Variants in PCCA observed in about 807,000 individuals in gnomAD.
PCCA encodes propionyl-CoA carboxylase subunit alpha, also known as propionyl-CoA carboxylase alpha chain, mitochondrial.
A neutral mutation model predicts 101.3 loss-of-function variants in PCCA; 74 were observed. The ratio of observed to expected loss-of-function variants is 0.73; its 90% CI spans 0.61 to 0.89. The LOEUF (loss-of-function observed/expected upper bound fraction) is 0.89. PCCA is among the 40% of genes least tolerant of loss of function. The probability of loss-of-function intolerance (pLI) is 0.00; values close to 1 mark genes in which losing one functional copy is unlikely to be tolerated. For synonymous variants in PCCA, 294 were observed against 313.6 expected, an observed-to-expected ratio of 0.94 and a Z score of 0.66; for missense variants, 891 against 907.0, an observed-to-expected ratio of 0.98 and a Z score of 0.23.
Position 100,089,094 on chromosome 13 carries a change from G to T in PCCA, c.-27G>T. ...CCCCCTCCGGCTGTGTGAGAGGTCAGCAGAGGGGCGGTCTGCGGGGACAAC... is the reference window on the plus strand; with the variant it reads ...CCCCCTCCGGCTGTGTGAGAGGTCATCAGAGGGGCGGTCTGCGGGGACAAC... On this transcript the variant is annotated 5_prime_UTR_variant, in exon 1 of 24. Transcript: ENST00000376285. The T allele has an allele frequency of 6.9e-7, 1 of 1,458,330 alleles. No homozygotes were observed. The highest frequency in any genetic ancestry group is 1.4e-5 in the South Asian group (1 of 70,828). The allele number at this position is 1,458,330 out of a possible 1,614,324, so 90.3% of individuals were successfully genotyped here.
chr13:100,193,088 T>C (rs987610420), intron 6 of PCCA, among the ~76,000 whole-genome samples: 2 of 152,194 alleles, frequency 1.3e-5, no homozygotes, highest in African/African-American at 4.8e-5. Context: ...GATGGCTGGT[T>C]ACTCTCCAGT....
At chr13:100,356,297 G>A (rs1039089800) in intron 18 of PCCA, among the ~76,000 whole-genome samples, 6 of 151,740 alleles carry the variant, frequency 4.0e-5, no homozygotes, top group African/African-American at 1.5e-4. Context: ...GTGCTTTAAA[G>A]GACATGATGA....
chr13:100,432,174 C>T (rs796717192), intron 20 of PCCA, among the ~76,000 whole-genome samples: 2 of 135,242 alleles, frequency 1.5e-5, no homozygotes, highest in East Asian at 3.1e-4. Context: ...AATAAATAAA[C>T]AAACAAACAG....
chr13:100,138,934 CAAAA>C (rs34466523), intron 4 of PCCA, among the ~76,000 whole-genome samples: 3 of 83,110 alleles, frequency 3.6e-5, no homozygotes, highest in African/African-American at 4.7e-5. Flanking sequence ...AACTCCATCT[CAAAA>C]AAAAAAAAAA....
chr13:100,280,129 G>A (rs1054345947), intron 12 of PCCA, among the ~76,000 whole-genome samples: 16 of 151,586 alleles, frequency 1.1e-4, no homozygotes, highest in South Asian at 4.2e-4. Context: ...GAAAGTCACC[G>A]CGTTTGGTGC....
At chr13:100,157,378 T>G in intron 6 of PCCA, 38 bp downstream of exon 6, 1 of 1,444,478 alleles carries the variant, frequency 6.9e-7, no homozygotes, top group Non-Finnish European at 9.7e-7. Context: ...TCATTTCTTT[T>G]TCAGAAAGCA....
chr13:100,258,275 T>G (rs2062212461), intron 9 of PCCA, among the ~76,000 whole-genome samples: 1 of 152,210 alleles, frequency 6.6e-6, no homozygotes, highest in Non-Finnish European at 1.5e-5. Flanking sequence ...ACACAGCTTC[T>G]GCTCAAATTC....
chr13:100,419,654 T>C (rs1170274255), intron 19 of PCCA, among the ~76,000 whole-genome samples: 1 of 152,172 alleles, frequency 6.6e-6, no homozygotes, highest in East Asian at 1.9e-4. Flanking sequence ...TATGGAGTCG[T>C]GCATGTGTTT....
chr13:100,443,958 CT>C (rs1358866255), intron 20 of PCCA, among the ~76,000 whole-genome samples: 1 of 152,104 alleles, frequency 6.6e-6, no homozygotes, highest in Non-Finnish European at 1.5e-5. Flanking sequence ...AGACCACCGT[CT>C]TTCTAAAACA....
intron 6 of PCCA, among the ~76,000 whole-genome samples, chr13:100,190,830 G>A (rs774183598): frequency 2.0e-5 from 3 of 152,134 alleles, no homozygotes; most frequent in Non-Finnish European, 4.4e-5. Flanking sequence ...GGTCGTGGTG[G>A]TTCACACCTG....
intron 16 of PCCA, among the ~76,000 whole-genome samples, chr13:100,316,732 C>T (rs1207713228): frequency 1.3e-5 from 2 of 151,928 alleles, no homozygotes; most frequent in Non-Finnish European, 1.5e-5. Flanking sequence ...AACATGAAAG[C>T]CAGTAAAGTT....
intron 21 of PCCA, chr13:100,491,680 G>C: frequency 7.7e-7 from 1 of 1,304,222 alleles, no homozygotes; most frequent in Non-Finnish European, 1.0e-6. Context: ...TTGACTGTGA[G>C]AAGCTTGGCA....
intron 21 of PCCA, among the ~76,000 whole-genome samples, chr13:100,455,261 A>C (rs1321621191): frequency 6.6e-6 from 1 of 151,300 alleles, no homozygotes; most frequent in Admixed American, 6.6e-5. Flanking sequence ...TAGCCTGAAG[A>C]GTTTTTAAAA....
At chr13:100,213,175 T>C (rs1292750212) in intron 7 of PCCA, among the ~76,000 whole-genome samples, 1 of 152,230 alleles carries the variant, frequency 6.6e-6, no homozygotes, top group Non-Finnish European at 1.5e-5. Flanking sequence ...TGTTGGCTAT[T>C]GTGGATAGTG....
intron 19 of PCCA, among the ~76,000 whole-genome samples, chr13:100,386,340 GC>G (rs1344589062): frequency 1.3e-5 from 2 of 152,126 alleles, no homozygotes; most frequent in African/African-American, 4.8e-5. Flanking sequence ...GAAATACTGT[GC>G]AGCCTTTAAA....
chr13:100,221,746 ATTTTTTT>A (rs3034654), intron 7 of PCCA, among the ~76,000 whole-genome samples: 3 of 121,602 alleles, frequency 2.5e-5, no homozygotes, highest in African/African-American at 3.3e-5. Flanking sequence ...TCCCTGGGAA[ATTTTTTT>A]TTTTTTTTTT....
At chr13:100,284,700 A>G (rs1291625361) in intron 12 of PCCA, among the ~76,000 whole-genome samples, 5 of 152,196 alleles carry the variant, frequency 3.3e-5, no homozygotes, top group Admixed American at 3.3e-4. Flanking sequence ...AGGAAGCAGA[A>G]TGGTTCACGG....
At chr13:100,460,326 A>C (rs542238905) in intron 21 of PCCA, among the ~76,000 whole-genome samples, 13 of 152,326 alleles carry the variant, frequency 8.5e-5, no homozygotes, top group African/African-American at 3.1e-4. Flanking sequence ...TTTTATTGCA[A>C]ATTTTTATTA....
intron 12 of PCCA, among the ~76,000 whole-genome samples, chr13:100,286,071 C>T (rs2064610358): frequency 6.6e-6 from 1 of 152,086 alleles, no homozygotes; most frequent in Non-Finnish European, 1.5e-5. Flanking sequence ...TGTGCATACC[C>T]CTCTGCATGT....
Sources: gnomAD v4.1 joint callset for allele counts (sites outside exome capture counted in the v4.1 genomes callset) on GRCh38, gnomAD v4.1.1 for gene constraint, MANE v1.5 for transcripts, NCBI Gene and HGNC (gene_info 2026-07-23, HGNC 2026-07-21) for gene names.